SIPA1L3: variants seen among roughly 807,000 people sequenced by gnomAD.
SIPA1L3 encodes the protein signal induced proliferation associated 1 like 3, also known as signal-induced proliferation-associated 1-like protein 3.
SIPA1L3 carries 59 observed loss-of-function variants against 150.1 expected under a neutral mutation model. The observed-to-expected ratio is 0.39, with a 90% CI of 0.32 to 0.49. The LOEUF (loss-of-function observed/expected upper bound fraction) is 0.49, where lower values mean the gene tolerates loss of function less well. SIPA1L3 is among the 20% of genes least tolerant of loss of function. The probability of loss-of-function intolerance (pLI) is 0.86; values close to 1 mark genes in which losing one functional copy is unlikely to be tolerated. For missense variants in SIPA1L3, 2,211 were observed against 2,489.5 expected (o/e 0.89, Z 2.38); for synonymous variants, 1,070 against 1,077.6 (o/e 0.99, Z 0.14).
In SIPA1L3 at chr19:38,119,670, A is replaced by T. The variant is rs746537772; in HGVS notation, c.2656A>T (p.Ile886Phe). The T allele has an allele frequency of 1.1e-5, 18 of 1,614,074 alleles. No homozygotes were observed. The highest frequency in any genetic ancestry group is 1.7e-5 in the Admixed American group (1 of 60,002). Residue 886 changes from isoleucine to phenylalanine, a missense_variant, in exon 9 of 22, where the codon ATC (isoleucine) becomes TTC (phenylalanine). Coordinates refer to ENST00000222345, the MANE Select transcript of SIPA1L3 (RefSeq NM_015073.3). ...CCAGGACTACGCCCAGGGGGTGGAAATCGACTGCATTTTGGGAATTTCCAA... is the reference window on the plus strand; with the variant it reads ...CCAGGACTACGCCCAGGGGGTGGAATTCGACTGCATTTTGGGAATTTCCAA... ...VAQDYAQGVE[I>F]DCILGISNEF...
intron 1 of SIPA1L3, among the ~76,000 whole-genome samples, chr19:37,966,308 G>T (rs916812424): frequency 1.3e-5 from 2 of 152,202 alleles, no homozygotes; most frequent in Admixed American, 6.5e-5. Flanking sequence ...AGCCACACAT[G>T]TCCCCTTGCC....
chr19:38,158,854 A>G (rs1169219040), intron 13 of SIPA1L3, among the ~76,000 whole-genome samples: 1 of 152,334 alleles, frequency 6.6e-6, no homozygotes, highest in African/African-American at 2.4e-5. Flanking sequence ...ATGTTCAGTG[A>G]GAGGTGCCTG....
intron 10 of SIPA1L3, among the ~76,000 whole-genome samples, chr19:38,137,125 A>G (rs1971452562): frequency 6.6e-6 from 1 of 152,202 alleles, no homozygotes; most frequent in Non-Finnish European, 1.5e-5. Flanking sequence ...AATCTGGATC[A>G]GCCATCTGGC....
chr19:38,177,996 C>A (rs1408651528), intron 15 of SIPA1L3, among the ~76,000 whole-genome samples: 2 of 152,094 alleles, frequency 1.3e-5, no homozygotes, highest in East Asian at 3.9e-4. Context: ...CCACTGCACT[C>A]CAGCCTGGCC....
chr19:37,910,385 A>G (rs2046367896), intron 1 of SIPA1L3, among the ~76,000 whole-genome samples: 1 of 152,028 alleles, frequency 6.6e-6, no homozygotes, highest in Non-Finnish European at 1.5e-5. Context: ...CCTGGGCAAC[A>G]TGGCGAAACC....
At chr19:38,166,537 C>G (rs547672960) in intron 15 of SIPA1L3, among the ~76,000 whole-genome samples, 1 of 152,048 alleles carries the variant, frequency 6.6e-6, no homozygotes, top group Admixed American at 6.6e-5. Context: ...CACTGACGTT[C>G]GGATGGAGGC....
chr19:37,953,525 A>G (rs1349859337), intron 1 of SIPA1L3, among the ~76,000 whole-genome samples: 3 of 118,010 alleles, frequency 2.5e-5, no homozygotes, highest in African/African-American at 8.0e-5. Flanking sequence ...AGGTGAATGC[A>G]TTCCTCATGT....
chr19:37,941,325 T>A (rs2046655581), intron 1 of SIPA1L3, among the ~76,000 whole-genome samples: 1 of 152,146 alleles, frequency 6.6e-6, no homozygotes, highest in African/African-American at 2.4e-5. Flanking sequence ...GTGGGACTAT[T>A]CCTCTAGAGA....
chr19:38,063,085 A>G (rs1431264955), intron 2 of SIPA1L3, among the ~76,000 whole-genome samples: 2 of 152,152 alleles, frequency 1.3e-5, no homozygotes, highest in Admixed American at 6.5e-5. Context: ...GCTTCAGTGC[A>G]ATGGTTTGTG....
intron 13 of SIPA1L3, among the ~76,000 whole-genome samples, chr19:38,158,731 A>T (rs1203552312): frequency 1.3e-5 from 2 of 152,242 alleles, no homozygotes; most frequent in African/African-American, 4.8e-5. Context: ...GAAGTCAAGG[A>T]TGCCACAGGG....
intron 1 of SIPA1L3, among the ~76,000 whole-genome samples, chr19:38,025,026 C>T (rs929644434): frequency 6.6e-6 from 1 of 152,164 alleles, no homozygotes; most frequent in Non-Finnish European, 1.5e-5. Flanking sequence ...CGGCCCCTTC[C>T]TCCTGCCCCA....
At chr19:37,989,722 A>G (rs1441910175) in intron 1 of SIPA1L3, among the ~76,000 whole-genome samples, 2 of 149,138 alleles carry the variant, frequency 1.3e-5, no homozygotes, top group East Asian at 3.9e-4. Flanking sequence ...CTGGAGTGCA[A>G]TGGCGTGATC....
At chr19:38,050,106 G>A (rs1654341) in intron 2 of SIPA1L3, among the ~76,000 whole-genome samples, 36,293 of 152,074 alleles carry the variant, frequency 0.24, 5,677 homozygotes, top group African/African-American at 0.44. Flanking sequence ...AATAATAGTA[G>A]TATCTATATT....
intron 1 of SIPA1L3, among the ~76,000 whole-genome samples, chr19:37,947,484 A>C (rs758906423): frequency 6.7e-6 from 1 of 149,706 alleles, no homozygotes; most frequent in African/African-American, 2.5e-5. Flanking sequence ...GTGAGACTCC[A>C]TATCAAAAAA....
At chr19:38,177,220 G>A (rs2146012336) in intron 15 of SIPA1L3, among the ~76,000 whole-genome samples, 1 of 151,846 alleles carries the variant, frequency 6.6e-6, no homozygotes, top group African/African-American at 2.4e-5. Flanking sequence ...AACTAGCCAG[G>A]TGTGGTGGTG....
At chr19:37,984,932 C>A (rs1393111487) in intron 1 of SIPA1L3, among the ~76,000 whole-genome samples, 2 of 152,194 alleles carry the variant, frequency 1.3e-5, no homozygotes, top group Non-Finnish European at 2.9e-5. Context: ...ATTTCTGGGG[C>A]CTCTTGTCTG....
chr19:37,979,822 C>G (rs971153463), intron 1 of SIPA1L3, among the ~76,000 whole-genome samples: 1 of 152,252 alleles, frequency 6.6e-6, no homozygotes, highest in Non-Finnish European at 1.5e-5. Flanking sequence ...ACTTTTCTTG[C>G]GTGCTAACTG....
intron 2 of SIPA1L3, among the ~76,000 whole-genome samples, chr19:38,074,365 T>C (rs1969791203): frequency 6.6e-6 from 1 of 152,242 alleles, no homozygotes; most frequent in Non-Finnish European, 1.5e-5. Flanking sequence ...CGGGAGGTGC[T>C]TGCATAAGCA....
intron 2 of SIPA1L3, among the ~76,000 whole-genome samples, chr19:38,072,086 G>A (rs945138430): frequency 4.6e-5 from 7 of 152,250 alleles, no homozygotes; most frequent in African/African-American, 1.7e-4. Flanking sequence ...TGATTGCAAG[G>A]AAGGCTGGTG....
Sources: gnomAD v4.1 joint callset for allele counts (sites outside exome capture counted in the v4.1 genomes callset) on GRCh38, gnomAD v4.1.1 for gene constraint, MANE v1.5 for transcripts, NCBI Gene and HGNC (gene_info 2026-07-23, HGNC 2026-07-21) for gene names.